CIMAP1A: variants seen among roughly 807,000 people sequenced by gnomAD.
CIMAP1A encodes the protein ciliary microtubule associated protein 1A.
chr11:197,464 G>C, the CIMAP1A span: 1 of 1,590,380 alleles, frequency 6.3e-7, no homozygotes, highest in Non-Finnish European at 8.6e-7. Context: ...GCGGGCAGGT[G>C]GGGGTCCCGG....
At chr11:197,419 AG>A in the CIMAP1A span, 1 of 1,599,470 alleles carries the variant, frequency 6.3e-7, no homozygotes, top group Non-Finnish European at 8.5e-7. Context: ...AACAGGTAAG[AG>A]CCTGAGAGAC....
chr11:197,678 T>C, the CIMAP1A span: 12 of 1,613,594 alleles, frequency 7.4e-6, no homozygotes, highest in Middle Eastern at 1.6e-4. Context: ...AACCCCAAGA[T>C]ACTGAGGACT....
chr11:197,776 C>T, the CIMAP1A span: 4 of 1,612,056 alleles, frequency 2.5e-6, no homozygotes, highest in Non-Finnish European at 3.4e-6. Context: ...GTGACCCTGT[C>T]TCAGGCTCCT....
At chr11:199,324 C>G in the CIMAP1A span, 2 of 1,550,816 alleles carry the variant, frequency 1.3e-6, no homozygotes, top group Non-Finnish European at 8.7e-7. Context: ...TAGGGCCACA[C>G]GCCCTGGGTA....
At chr11:197,174 C>A in the CIMAP1A span, 1 of 514,548 alleles carries the variant, frequency 1.9e-6, no homozygotes, top group Non-Finnish European at 3.4e-6. Flanking sequence ...CCCACTGATG[C>A]TGCAGCAGGT....
chr11:200,097 C>G, the CIMAP1A span: 2 of 1,563,410 alleles, frequency 1.3e-6, no homozygotes, highest in Non-Finnish European at 1.8e-6. Context: ...CCACAGAGCT[C>G]GAGGCTGTCT....
At chr11:199,287 C>CA in the CIMAP1A span, 5 of 1,525,558 alleles carry the variant, frequency 3.3e-6, no homozygotes, top group Non-Finnish European at 4.4e-6. Flanking sequence ...CCTGTTGACT[C>CA]AGAGCCTGAG....
the CIMAP1A span, chr11:198,173 A>G: frequency 1.2e-6 from 2 of 1,608,586 alleles, no homozygotes; most frequent in Non-Finnish European, 1.7e-6. Context: ...TGCTTGTCCC[A>G]GCAGCCCCCT....
the CIMAP1A span, chr11:197,721 G>C: frequency 6.2e-7 from 1 of 1,613,666 alleles, no homozygotes; most frequent in African/African-American, 1.3e-5. Context: ...ACTCCATCCT[G>C]GGGCGCTACC....
At chr11:197,810 C>A in the CIMAP1A span, 2 of 1,587,944 alleles carry the variant, frequency 1.3e-6, no homozygotes, top group South Asian at 1.1e-5. Context: ...TCAGGCCTGC[C>A]CCTCCCTGCT....
chr11:197,070 A>G, the CIMAP1A span: 2 of 402,106 alleles, frequency 5.0e-6, no homozygotes, highest in South Asian at 1.0e-4. Context: ...CAGCATGGAC[A>G]GCAACTCTGG....
chr11:197,495 C>T, the CIMAP1A span: 28 of 1,594,786 alleles, frequency 1.8e-5, no homozygotes, highest in Middle Eastern at 1.7e-4. Flanking sequence ...GGGCTCAATC[C>T]CTGACTCCCA....
At chr11:197,698 C>T in the CIMAP1A span, 2,872 of 1,613,770 alleles carry the variant, frequency 1.8e-3, 47 homozygotes, top group African/African-American at 0.034. Context: ...TGGCAAGGAC[C>T]TTGGCCCTGC....
At chr11:198,245 A>T in the CIMAP1A span, 1 of 1,612,562 alleles carries the variant, frequency 6.2e-7, no homozygotes. Flanking sequence ...TCGACTCAGC[A>T]CCCAGCCACT....
chr11:200,064 G>C, the CIMAP1A span: 1 of 1,604,388 alleles, frequency 6.2e-7, no homozygotes, highest in African/African-American at 1.3e-5. Flanking sequence ...ATCACACCCG[G>C]CATCTACACA....
the CIMAP1A span, chr11:197,735 C>T: frequency 1.2e-6 from 2 of 1,613,766 alleles, no homozygotes; most frequent in Middle Eastern, 1.7e-4. Context: ...CGCTACCAAA[C>T]CAAGACCATG....
the CIMAP1A span, chr11:199,445 C>G: frequency 6.4e-7 from 1 of 1,567,082 alleles, no homozygotes; most frequent in South Asian, 1.2e-5. Context: ...ACCATGGCTG[C>G]CCGTGTGGAG....
the CIMAP1A span, chr11:198,496 G>A: frequency 6.2e-7 from 1 of 1,613,296 alleles, no homozygotes; most frequent in Non-Finnish European, 8.5e-7. Flanking sequence ...CATGGTAATG[G>A]GGCCCAATAC....
the CIMAP1A span, chr11:199,255 CG>C: frequency 6.7e-7 from 1 of 1,491,826 alleles, no homozygotes; most frequent in African/African-American, 1.4e-5. Flanking sequence ...CCTTGATGCA[CG>C]GGCACCAACT....
Sources: allele counts gnomAD v4.1 joint callset, GRCh38; gene constraint gnomAD v4.1.1; transcripts MANE v1.5; gene names NCBI Gene and HGNC (gene_info 2026-07-23, HGNC 2026-07-21).